The following TTLL11 variants were observed in gnomAD, a reference collection of about 807,000 sequenced individuals.
TTLL11 encodes the protein tubulin polyglutamylase TTLL11.
A neutral mutation model predicts 51.7 loss-of-function variants in TTLL11; 42 were observed. The ratio of observed to expected loss-of-function variants is 0.81; its 90% CI spans 0.64 to 1.05. The LOEUF (loss-of-function observed/expected upper bound fraction) is 1.05, where lower values mean the gene tolerates loss of function less well. Among genes scored for constraint, TTLL11 ranks in the 50% least tolerant of loss-of-function variants. The pLI is 0.00. For missense variants in TTLL11, 799 were observed against 940.4 expected, an observed-to-expected ratio of 0.85 and a Z score of 1.97; for synonymous variants, 381 against 383.5, an observed-to-expected ratio of 0.99 and a Z score of 0.08.
At chr9:121,952,599 T>C (rs1364282818) in intron 6 of TTLL11, among the ~76,000 whole-genome samples, 1 of 152,152 alleles carries the variant, frequency 6.6e-6, no homozygotes, top group Non-Finnish European at 1.5e-5. Flanking sequence ...AGGAACACCT[T>C]TGGCATAATG....
intron 6 of TTLL11, among the ~76,000 whole-genome samples, chr9:121,922,745 G>T (rs887684032): frequency 7.5e-6 from 1 of 133,978 alleles, no homozygotes; most frequent in Non-Finnish European, 1.6e-5. Flanking sequence ...TAGCGCAAAG[G>T]GTCAATATCT....
Position 121,879,269 on chromosome 9 carries a change from C to G in TTLL11, c.1482-8521G>C, listed in dbSNP as rs568298826. Among the ~76,000 whole-genome samples the G allele has an allele frequency of 3.9e-5, 6 of 152,234 alleles. No homozygotes were observed. In the South Asian group the frequency reaches 1.2e-3, roughly 32 times the overall value. On this transcript the variant is annotated intron_variant, in intron 6 of 8. Coordinates refer to ENST00000321582, the MANE Select transcript of TTLL11 (RefSeq NM_001139442.2). ...TCAGGAGAATATGGGGTTTCTGCCT[C>G]ACTCCCCATCCCATGTAACCAAACA...
chr9:121,820,681 C>T lies in TTLL11; in HGVS notation c.*1906G>A, dbSNP rs1265832948. The stretch of plus-strand genomic sequence containing the variant: ...CTCATCTGAAAGGGGAGCAGCATTA[C>T]AGACCTGCCCTACTACCTGGGGAAC... On this transcript the variant is annotated 3_prime_UTR_variant, in exon 9 of 9. Coordinates refer to ENST00000321582, the MANE Select transcript of TTLL11 (RefSeq NM_001139442.2). 6.6e-6 allele frequency among the ~76,000 whole-genome samples: 1 copy of T among 152,082 alleles called. No homozygotes were observed. The highest frequency in any genetic ancestry group is 2.4e-5 in the African/African-American group (1 of 41,410).
chr9:122,073,925 C>G (rs1199011373), intron 1 of TTLL11, among the ~76,000 whole-genome samples: 1 of 152,214 alleles, frequency 6.6e-6, no homozygotes, highest in Non-Finnish European at 1.5e-5. Flanking sequence ...CTGCTTCCCC[C>G]AGCACAGAGC....
chr9:121,921,596 C>T (rs1188011989), intron 6 of TTLL11, among the ~76,000 whole-genome samples: 1 of 152,168 alleles, frequency 6.6e-6, no homozygotes, highest in African/African-American at 2.4e-5. Context: ...AGTGCTGAGT[C>T]CCCCTTAGGA....
Position 121,822,727 on chromosome 9 carries a change from C to T in TTLL11, c.1993G>A (p.Gly665Ser). 6.4e-7 allele frequency: 1 copy of T among 1,551,304 alleles called. No homozygotes were observed. ...GGGGGCCGGCCCCCCGACGGGACGC[C>T]CCGGCCACACACCAGGCGTTTTTCA... ...LDEKRLVCGRGVPSGGRPPHR... is the reference protein window; with the variant it reads ...LDEKRLVCGRSVPSGGRPPHR... Residue 665 changes from glycine (G) to serine (S), a missense_variant, in exon 9 of 9, where the codon GGC (glycine) becomes AGC (serine). Around this residue, in one of 3 missense-constraint regions of TTLL11, gnomAD observed 165 missense variants for 166.1 expected, o/e 0.99. Coordinates refer to ENST00000321582, the MANE Select transcript of TTLL11 (RefSeq NM_001139442.2). The surrounding 1 kb of genome is among the most constrained non-coding windows in gnomAD (Gnocchi z 5.8).
Position 121,822,482 on chromosome 9 carries a change from C to T in TTLL11, c.*105G>A. On this transcript the variant is annotated 3_prime_UTR_variant, in exon 9 of 9. Transcript: ENST00000321582. The surrounding 1 kb of genome is among the most constrained non-coding windows in gnomAD (Gnocchi z 5.8). ...ACAGTTCGTGGGGACCTCAGCTGGG[C>T]CCCTCGGCAGCCTGCCTGCCATTCC... 1 of 1,155,232 alleles carries T rather than the reference C, an allele frequency of 8.7e-7. No homozygotes were observed. The highest frequency in any genetic ancestry group is 1.2e-6 in the Non-Finnish European group (1 of 852,222). The allele number at this position is 1,155,232 out of a possible 1,614,324, so 71.6% of individuals were successfully genotyped here. A position where few individuals can be genotyped will look rare whatever the true frequency, so the allele number is the denominator to read the frequency against.
Position 121,979,847 on chromosome 9 carries a change from C to T in TTLL11, c.1270-4868G>A, listed in dbSNP as rs372838012. ...TCTGTCAACACTCCAGCTTTATCTC[C>T]TCCCACTTACTATTACTACACATCT... On this transcript the variant is annotated intron_variant, in intron 4 of 8. Transcript: ENST00000321582. Among the ~76,000 whole-genome samples, 97 of 152,222 alleles carry T rather than the reference C, an allele frequency of 6.4e-4. 1 individual carries two copies. The highest frequency in any genetic ancestry group is 1.9e-3 in the South Asian group (9 of 4,824).
chr9:121,867,944 A>T (rs538877989), intron 7 of TTLL11, among the ~76,000 whole-genome samples: 18 of 152,234 alleles, frequency 1.2e-4, no homozygotes, highest in South Asian at 6.2e-4. Context: ...GTTAAACCAG[A>T]CATAATCCTT....
At chr9:121,915,208 T>G (rs189367772) in intron 6 of TTLL11, among the ~76,000 whole-genome samples, 16 of 151,440 alleles carry the variant, frequency 1.1e-4, no homozygotes, top group Admixed American at 9.8e-4. Context: ...TAAACAAAGG[T>G]GTGTGTGTGT....
intron 1 of TTLL11, among the ~76,000 whole-genome samples, chr9:122,073,133 G>A (rs1164163550): frequency 2.6e-5 from 4 of 152,176 alleles, no homozygotes; most frequent in African/African-American, 9.6e-5. Context: ...TGGGAGGCCA[G>A]GGGTGGTGGC....
chr9:122,042,707 G>T (rs1203110287), intron 1 of TTLL11, among the ~76,000 whole-genome samples: 2 of 152,174 alleles, frequency 1.3e-5, no homozygotes, highest in Non-Finnish European at 2.9e-5. Context: ...TTCTGTAGGT[G>T]AGTAGATAAA....
intron 6 of TTLL11, among the ~76,000 whole-genome samples, chr9:121,934,016 G>C (rs1443365722): frequency 6.6e-6 from 1 of 152,180 alleles, no homozygotes; most frequent in Non-Finnish European, 1.5e-5. Context: ...GATCACCTGA[G>C]ATCAGGAGTT....
chr9:121,993,555 C>T (rs938859419), intron 3 of TTLL11, among the ~76,000 whole-genome samples: 11 of 152,248 alleles, frequency 7.2e-5, no homozygotes, highest in African/African-American at 2.7e-4. Context: ...CTTGATATCA[C>T]CACAGTCGAA....
intron 6 of TTLL11, among the ~76,000 whole-genome samples, chr9:121,894,403 C>T (rs533434915): frequency 2.0e-5 from 3 of 152,256 alleles, no homozygotes; most frequent in East Asian, 1.9e-4. Flanking sequence ...GGTATATACC[C>T]GAAGGATTAT....
chr9:121,881,898 C>T (rs1255950338), intron 6 of TTLL11, among the ~76,000 whole-genome samples: 1 of 152,142 alleles, frequency 6.6e-6, no homozygotes, highest in African/African-American at 2.4e-5. Context: ...GATGCACCTC[C>T]AGAGCCAGAA....
chr9:121,898,011 T>C lies in TTLL11; in HGVS notation c.1482-27263A>G, dbSNP rs141657725. ...TCAGCTCACTGCAATCTCTGCCTCC[T>C]TGGTTCAAGCAACTCTCATGCCTCA... On this transcript the variant is annotated intron_variant, in intron 6 of 8. Coordinates refer to ENST00000321582, the MANE Select transcript of TTLL11 (RefSeq NM_001139442.2). Among the ~76,000 whole-genome samples, 448 of 151,748 alleles carry C rather than the reference T, an allele frequency of 3.0e-3. 3 individuals are homozygous for C. Among genetic ancestry groups the C allele is most frequent in the African/African-American group, 0.01 (430 of 41,326 alleles).
intron 6 of TTLL11, among the ~76,000 whole-genome samples, chr9:121,973,030 G>A (rs1321416312): frequency 6.6e-6 from 1 of 152,246 alleles, no homozygotes; most frequent in Non-Finnish European, 1.5e-5. Context: ...TGCTATTTGA[G>A]ATGCCTTTGA....
chr9:122,027,581 G>A (rs1439433415), intron 3 of TTLL11, among the ~76,000 whole-genome samples: 11 of 152,210 alleles, frequency 7.2e-5, no homozygotes. Flanking sequence ...GTTAACATTA[G>A]AGGAAGTTAG....
Sources: allele counts gnomAD v4.1 joint callset (sites outside exome capture counted in the v4.1 genomes callset), GRCh38; gene constraint gnomAD v4.1.1; regional missense constraint gnomAD v4.1.1; non-coding constraint Gnocchi (gnomAD v3.1); transcripts MANE v1.5; gene names NCBI Gene and HGNC (gene_info 2026-07-23, HGNC 2026-07-21).